IPO13: variants seen among roughly 807,000 people sequenced by gnomAD.
IPO13 encodes importin 13.
A neutral mutation model predicts 115.5 loss-of-function variants in IPO13; 28 were observed. The ratio of observed to expected loss-of-function variants is 0.24; its 90% CI spans 0.18 to 0.33. The LOEUF (loss-of-function observed/expected upper bound fraction) is 0.33. Among genes scored for constraint, IPO13 ranks in the 10% least tolerant of loss-of-function variants. The probability of loss-of-function intolerance (pLI) is 1.00; values close to 1 mark genes in which losing one functional copy is unlikely to be tolerated. For missense variants in IPO13, 785 were observed against 1,204.6 expected (o/e 0.65, Z 5.16); for synonymous variants, 414 against 478.9 (o/e 0.86, Z 1.77).
intron 2 of IPO13, among the ~76,000 whole-genome samples, chr1:43,953,002 A>C (rs1352169666): frequency 6.6e-6 from 1 of 152,194 alleles, no homozygotes; most frequent in African/African-American, 2.4e-5. Context: ...GATCAGGGCA[A>C]GTGTGTGGGT....
chr1:43,964,210 T>G, intron 14 of IPO13, 59 bp from the exon 15 acceptor site: 9 of 1,171,602 alleles, frequency 7.7e-6, no homozygotes, highest in Non-Finnish European at 1.0e-5. Context: ...CATAACTATA[T>G]GAGGTTGAGT....
At position 43,956,832 on chromosome 1, in the gene IPO13, C is replaced by T; in HGVS notation, c.1127C>T (p.Ala376Val). ...TLQDDILSFE[A>V]EKQAVYQQVY... ...CAGGATGATATTCTATCCTTTGAGG[C>T]AGAGAAGCAGGCTGTATACCAGCAG... Residue 376 changes from alanine to valine, a missense_variant, in exon 5 of 20, where the codon GCA (alanine) becomes GTA (valine). By Grantham distance (64) the Ala-to-Val change is moderately conservative. This residue lies in a region of IPO13 where 175 missense variants were observed against 360.0 expected (regional missense o/e 0.49). Coordinates refer to ENST00000372343, the MANE Select transcript of IPO13 (RefSeq NM_014652.4). This position sits in a 1 kb window ranked among gnomAD's most constrained non-coding sequence, Gnocchi z 4.7. 6.2e-7 allele frequency: 1 copy of T among 1,614,182 alleles called. No individual in the cohort carries two copies. The highest frequency in any genetic ancestry group is 8.5e-7 in the Non-Finnish European group (1 of 1,180,032).
intron 14 of IPO13, 73 bp downstream of exon 14, chr1:43,961,335 G>A: frequency 8.1e-7 from 1 of 1,227,034 alleles, no homozygotes; most frequent in South Asian, 1.2e-5. Context: ...GGGAGCCAAA[G>A]CTGCCCACTC....
At chr1:43,957,839 A>G (rs1557632930) in intron 7 of IPO13, 138 bp from the exon 8 acceptor site, 2 of 831,704 alleles carry the variant, frequency 2.4e-6, no homozygotes, top group East Asian at 2.4e-5. Context: ...ATGCACATGC[A>G]TATGTCCTCT....
In IPO13 at chr1:43,957,304, T is replaced by C; in HGVS notation, c.1381T>C (p.Tyr461His). ...TTTGCTCACCAGCTCAGAGGAGCCCTACTCCTGGCAGGTACCTCCCAAGCC... is the reference window on the plus strand; with the variant it reads ...TTTGCTCACCAGCTCAGAGGAGCCCCACTCCTGGCAGGTACCTCCCAAGCC... ...GRLLTSSEEPYSWQHTEALLY... is the reference protein window; with the variant it reads ...GRLLTSSEEPHSWQHTEALLY... Residue 461 changes from tyrosine to histidine, a missense_variant, in exon 6 of 20, where the codon TAC (tyrosine) becomes CAC (histidine). Transcript: ENST00000372343. 1.9e-6 allele frequency: 3 copies of C among 1,613,966 alleles called. No individual in the cohort carries two copies. The highest frequency in any genetic ancestry group is 2.5e-6 in the Non-Finnish European group (3 of 1,179,862).
In IPO13 at chr1:43,967,869, G is replaced by A. The variant is rs989508728; in HGVS notation, c.*187G>A. On this transcript the variant is annotated 3_prime_UTR_variant, in exon 20 of 20. Coordinates refer to ENST00000372343, the MANE Select transcript of IPO13 (RefSeq NM_014652.4). The surrounding 1 kb of genome is among the most constrained non-coding windows in gnomAD (Gnocchi z 6.1). ...ACCCAGGCCTTGGGAGGGAATGGTGGGAACATCCTCTAGCTCCCAGGTTGG... is the reference window on the plus strand; with the variant it reads ...ACCCAGGCCTTGGGAGGGAATGGTGAGAACATCCTCTAGCTCCCAGGTTGG... The A allele has an allele frequency of 3.2e-6, 2 of 624,350 alleles. No homozygotes were observed. The highest frequency in any genetic ancestry group is 5.7e-6 in the Non-Finnish European group (2 of 352,748). The allele number at this position is 624,350 out of a possible 1,614,324, so 38.7% of individuals were successfully genotyped here. A position where few individuals can be genotyped will look rare whatever the true frequency, so the allele number is the denominator to read the frequency against.
rs16831483 is a variant in IPO13 at position 43,952,742 on chromosome 1, T to A, written c.821+2589T>A. On this transcript the variant is annotated intron_variant, in intron 2 of 19. Coordinates refer to ENST00000372343, the MANE Select transcript of IPO13 (RefSeq NM_014652.4). This position sits in a 1 kb window ranked among gnomAD's most constrained non-coding sequence, Gnocchi z 4.7. ...TTTAAATAAAATATTGGGTTGATTT[T>A]AAAAAATAAAAGATTGTTTCGGTAT... Among the ~76,000 whole-genome samples, 509 of 152,336 alleles carry A rather than the reference T, an allele frequency of 3.3e-3. 5 individuals are homozygous for A. Among genetic ancestry groups the A allele is most frequent in the African/African-American group, 0.012 (495 of 41,578 alleles).
At chr1:43,963,609 C>T (rs1307118242) in intron 14 of IPO13, among the ~76,000 whole-genome samples, 1 of 152,204 alleles carries the variant, frequency 6.6e-6, no homozygotes, top group Non-Finnish European at 1.5e-5. Flanking sequence ...CTGTTTCCTC[C>T]TCTGGGCCCT....
chr1:43,953,827 T>G (rs1372549512), intron 2 of IPO13, among the ~76,000 whole-genome samples: 1 of 152,178 alleles, frequency 6.6e-6, no homozygotes, highest in African/African-American at 2.4e-5. Context: ...CAGTTAGGAC[T>G]GGAGATATGG....
At chr1:43,964,346 C>T (rs749856092) in intron 15 of IPO13, 25 bp downstream of exon 15, 8 of 1,536,488 alleles carry the variant, frequency 5.2e-6, no homozygotes, top group Admixed American at 1.7e-5. Context: ...TATTCATTCA[C>T]GTTCTGTTCT....
At position 43,958,350 on chromosome 1, in the gene IPO13, C is replaced by G. The variant is rs1219253675; in HGVS notation, c.1749+82C>G. 3.7e-6 allele frequency: 6 copies of G among 1,609,470 alleles called. No individual in the cohort carries two copies. The highest frequency in any genetic ancestry group is 5.1e-6 in the Non-Finnish European group (6 of 1,176,322). On this transcript the variant is annotated intron_variant, in intron 9 of 19. Coordinates refer to ENST00000372343, the MANE Select transcript of IPO13 (RefSeq NM_014652.4). The surrounding 1 kb of genome is among the most constrained non-coding windows in gnomAD (Gnocchi z 6.3). The stretch of plus-strand genomic sequence containing the variant: ...CCTGAAATCCTGTTTTTTGGCCTTC[C>G]CCTTCCTCTTATCCCTTATTCTCTG...
intron 2 of IPO13, among the ~76,000 whole-genome samples, chr1:43,950,876 C>T (rs151230118): frequency 1.4e-4 from 21 of 152,328 alleles, no homozygotes; most frequent in Non-Finnish European, 1.0e-4. Flanking sequence ...TCTTATATTA[C>T]CTCAGAGCTC....
Position 43,956,618 on chromosome 1 carries a change from A to T in IPO13, c.1021A>T (p.Met341Leu). The change falls in exon 4 of 20, where the codon ATG (methionine) becomes TTG (leucine). Residue 341 changes from methionine (M) to leucine (L), a missense_variant. This residue lies in a region of IPO13 where 325 missense variants were observed against 449.8 expected (regional missense o/e 0.72). Transcript: ENST00000372343. This position sits in a 1 kb window ranked among gnomAD's most constrained non-coding sequence, Gnocchi z 4.7. The part of the protein sequence containing the change: ...QSFLALVNMI[M>L]FCTGIPGHYP... ...TTTCCTGGCACTCGTCAACATGATTATGTTCTGCACAGGCATCCCTGGCCA... is the reference window on the plus strand; with the variant it reads ...TTTCCTGGCACTCGTCAACATGATTTTGTTCTGCACAGGCATCCCTGGCCA... 1 of 1,614,196 alleles carries T rather than the reference A, an allele frequency of 6.2e-7. No homozygotes were observed.
Position 43,958,288 on chromosome 1 carries a change from A to G in IPO13, c.1749+20A>G. 1.9e-6 allele frequency: 3 copies of G among 1,614,064 alleles called. No homozygotes were observed. Among genetic ancestry groups the G allele is most frequent in the Non-Finnish European group, 2.5e-6 (3 of 1,179,954 alleles). ...CACAAGGTGCGGCTCAAAAGTTTCT[A>G]GGGGTCTCCTTGGAGGTCTTGTGGG... is the stretch of plus-strand genomic sequence containing the variant. On this transcript the variant is annotated intron_variant, in intron 9 of 19. Coordinates refer to ENST00000372343, the MANE Select transcript of IPO13 (RefSeq NM_014652.4). This position sits in a 1 kb window ranked among gnomAD's most constrained non-coding sequence, Gnocchi z 6.3.
chr1:43,957,686 G>C, intron 7 of IPO13, 137 bp downstream of exon 7: 1 of 1,108,882 alleles, frequency 9.0e-7, no homozygotes, highest in Non-Finnish European at 1.3e-6. Context: ...CAAACTGACT[G>C]TCCTGGCAGG....
chr1:43,947,721 G>T, intron 1 of IPO13, 37 bp downstream of exon 1: 1 of 1,171,892 alleles, frequency 8.5e-7, no homozygotes. Context: ...CAGTGACAGA[G>T]CAGAAGTTCT....
chr1:43,959,853 T>C (rs1434427570), intron 11 of IPO13, among the ~76,000 whole-genome samples: 2 of 152,302 alleles, frequency 1.3e-5, no homozygotes, highest in East Asian at 1.9e-4. Flanking sequence ...TGTGCATTCC[T>C]TGGGGCTCCC....
chr1:43,957,665 C>A, intron 7 of IPO13, 116 bp downstream of exon 7: 1 of 1,293,842 alleles, frequency 7.7e-7, no homozygotes, highest in Non-Finnish European at 1.1e-6. Context: ...TACACACAAT[C>A]AGTGTTGTAA....
rs2085249812 is a variant in IPO13, at chr1:43,956,547, A to G, written c.963-13A>G. ...GTCCCTGGAAAGGTAGAATGACCTGACTCTCTCCCCAGGGCCTTGCTGGAC... is the reference window on the plus strand; with the variant it reads ...GTCCCTGGAAAGGTAGAATGACCTGGCTCTCTCCCCAGGGCCTTGCTGGAC... On this transcript the variant is annotated splice_polypyrimidine_tract_variant and intron_variant, in intron 3 of 19. Coordinates refer to ENST00000372343, the MANE Select transcript of IPO13 (RefSeq NM_014652.4). The surrounding 1 kb of genome is among the most constrained non-coding windows in gnomAD (Gnocchi z 4.7). 1 of 1,613,174 alleles carries G rather than the reference A, an allele frequency of 6.2e-7. No individual in the cohort carries two copies. The highest frequency in any genetic ancestry group is 1.1e-5 in the South Asian group (1 of 91,014).
Sources: allele counts gnomAD v4.1 joint callset (sites outside exome capture counted in the v4.1 genomes callset), GRCh38; gene constraint gnomAD v4.1.1; regional missense constraint gnomAD v4.1.1; non-coding constraint Gnocchi (gnomAD v3.1); transcripts MANE v1.5; gene names NCBI Gene and HGNC (gene_info 2026-07-23, HGNC 2026-07-21).